Variants in PCLAF observed in about 807,000 individuals in gnomAD.
PCLAF encodes the protein PCNA clamp associated factor.
Under a neutral mutation model 15.1 loss-of-function variants are expected in PCLAF, and 12 were observed. The ratio of observed to expected loss-of-function variants is 0.79; its 90% CI spans 0.51 to 1.29. The LOEUF is 1.29. Among genes scored for constraint, PCLAF ranks in the 50% most tolerant of loss-of-function variants. The probability of loss-of-function intolerance (pLI) is 0.00; values close to 1 mark genes in which losing one functional copy is unlikely to be tolerated. For missense variants in PCLAF, 116 were observed against 130.9 expected (o/e 0.89, Z 0.56); for synonymous variants, 33 against 47.1 (o/e 0.70, Z 1.22).
chr15:64,381,616 A>G, upstream of PCLAF: 1 of 1,185,082 alleles, frequency 8.4e-7, no homozygotes, highest in Non-Finnish European at 1.1e-6. Context: ...CAACACGCAA[A>G]GGCCTAGGAT....
At chr15:64,367,411 G>T (rs750487787) in intron 3 of PCLAF, among the ~76,000 whole-genome samples, 57 of 151,292 alleles carry the variant, frequency 3.8e-4, no homozygotes, top group Admixed American at 6.6e-4. Context: ...GCTCAGCCAG[G>T]AGAATTGCTT....
At chr15:64,381,464 G>A, upstream of PCLAF, 1 of 1,611,250 alleles carries the variant, frequency 6.2e-7, no homozygotes, top group Non-Finnish European at 8.5e-7. Context: ...TCCCGCCACA[G>A]TTTATATTGG....
At chr15:64,366,190 A>C (rs976954503) in intron 3 of PCLAF, 115 bp from the exon 4 acceptor site, 2 of 556,966 alleles carry the variant, frequency 3.6e-6, no homozygotes, top group African/African-American at 3.9e-5. Flanking sequence ...GATCTGGTCT[A>C]ATGACTAGAA....
upstream of PCLAF, chr15:64,381,561 C>T (rs1452591806): frequency 1.4e-6 from 2 of 1,444,598 alleles, no homozygotes; most frequent in East Asian, 2.5e-5. Context: ...TGCCAATGCC[C>T]AGTGGTGACA....
chr15:64,384,738 T>C (rs1402297370), upstream of PCLAF, among the ~76,000 whole-genome samples: 1 of 103,572 alleles, frequency 9.7e-6, no homozygotes, highest in Non-Finnish European at 2.0e-5. Flanking sequence ...CAAGAATGTC[T>C]AAAAAAAAAA....
At chr15:64,373,597 T>C in intron 3 of PCLAF, 1 of 1,459,836 alleles carries the variant, frequency 6.9e-7, no homozygotes, top group Non-Finnish European at 9.0e-7. Flanking sequence ...CTGCAGTAGC[T>C]TCCGGCATAC....
chr15:64,369,560 A>C (rs1023156811), intron 3 of PCLAF, among the ~76,000 whole-genome samples: 2 of 151,816 alleles, frequency 1.3e-5, no homozygotes, highest in African/African-American at 4.8e-5. Flanking sequence ...GCACTGAATA[A>C]TTTCTTTTTT....
rs538436712 is a variant in PCLAF, at chr15:64,373,867, C to T, written c.290+2876G>A. On this transcript the variant is annotated intron_variant, in intron 3 of 3. Transcript: ENST00000300035. Reference sequence around the variant, plus strand: ...CTACATCCAGACAAGTACTTTGTTTCGAAACAAAACATTTAAGTTGCTTAG... The same window carrying T: ...CTACATCCAGACAAGTACTTTGTTTTGAAACAAAACATTTAAGTTGCTTAG... 4.3e-4 allele frequency: 487 copies of T among 1,132,672 alleles called. 1 individual carries two copies. The highest frequency in any genetic ancestry group is 3.6e-3 in the Middle Eastern group (18 of 5,014). 70.2% of individuals were successfully genotyped at this position (1,132,672 alleles called of 1,614,324 possible). A position where few individuals can be genotyped will look rare whatever the true frequency, so the allele number is the denominator to read the frequency against.
chr15:64,387,089 T>G (rs1899958596), intron 1 of PCLAF, among the ~76,000 whole-genome samples: 1 of 151,938 alleles, frequency 6.6e-6, no homozygotes, highest in Non-Finnish European at 1.5e-5. Flanking sequence ...TTGTCTTGGC[T>G]CTCCTGGAAA....
At chr15:64,381,968 T>G (rs1899835414), upstream of PCLAF, among the ~76,000 whole-genome samples, 1 of 152,116 alleles carries the variant, frequency 6.6e-6, no homozygotes, top group South Asian at 2.1e-4. Context: ...TTTACAAGGG[T>G]TTTTTTAAAT....
upstream of PCLAF, among the ~76,000 whole-genome samples, chr15:64,383,627 A>C (rs1024466874): frequency 3.3e-5 from 5 of 152,040 alleles, no homozygotes; most frequent in African/African-American, 1.2e-4. Context: ...TCAGCCTCCC[A>C]AAGTGCTGGG....
At chr15:64,370,625 T>G (rs1596321958) in intron 3 of PCLAF, among the ~76,000 whole-genome samples, 1 of 152,056 alleles carries the variant, frequency 6.6e-6, no homozygotes, top group East Asian at 1.9e-4. Context: ...TGCCTTGGAC[T>G]TTCAAAATGT....
intron 3 of PCLAF, chr15:64,373,699 C>A: frequency 3.9e-6 from 6 of 1,535,488 alleles, no homozygotes; most frequent in Non-Finnish European, 5.2e-6. Context: ...TCCCCTTACC[C>A]ATTTGGATCA....
In PCLAF at chr15:64,365,690, A is replaced by AT. The variant is rs1461388475; in HGVS notation, c.*339dup. On this transcript the variant is annotated 3_prime_UTR_variant, in exon 4 of 4. Transcript: ENST00000300035. ...GCACCATTCCAATAATCAAACACCA[A>AT]TAAAAATGGCAGCAGTACAACAATC... is the stretch of plus-strand genomic sequence containing the variant. 4.3e-6 allele frequency: 1 copy of AT among 231,650 alleles called. No homozygotes were observed. Among genetic ancestry groups the AT allele is most frequent in the East Asian group, 1.3e-4 (1 of 7,614 alleles). 14.3% of individuals were successfully genotyped at this position (231,650 alleles called of 1,614,324 possible).
chr15:64,368,365 T>A (rs906901521), intron 3 of PCLAF, among the ~76,000 whole-genome samples: 6 of 152,130 alleles, frequency 3.9e-5, no homozygotes, highest in Admixed American at 3.9e-4. Context: ...CAGTATTAGA[T>A]AACAAAGATA....
intron 3 of PCLAF, among the ~76,000 whole-genome samples, chr15:64,371,740 G>A (rs1266020405): frequency 6.6e-6 from 1 of 152,110 alleles, no homozygotes; most frequent in Non-Finnish European, 1.5e-5. Context: ...GGCATTACAG[G>A]TGTGTGCCAC....
chr15:64,381,163 C>T, intron 1 of PCLAF, 125 bp from the exon 2 acceptor site: 4 of 1,181,692 alleles, frequency 3.4e-6, no homozygotes, highest in South Asian at 2.6e-5. Flanking sequence ...CTTACCCTGC[C>T]CCTGCGACTT....
chr15:64,375,083 A>G (rs1421962771), intron 3 of PCLAF, among the ~76,000 whole-genome samples: 1 of 152,032 alleles, frequency 6.6e-6, no homozygotes, highest in Non-Finnish European at 1.5e-5. Flanking sequence ...GGGGATTTCT[A>G]TATTTTCCAA....
intron 2 of PCLAF, among the ~76,000 whole-genome samples, chr15:64,380,572 C>T (rs899530706): frequency 3.3e-5 from 5 of 152,058 alleles, no homozygotes; most frequent in African/African-American, 1.2e-4. Context: ...GGCGTGGTGG[C>T]ATGTACCTGT....
Sources: gnomAD v4.1 joint callset for allele counts (sites outside exome capture counted in the v4.1 genomes callset) on GRCh38, gnomAD v4.1.1 for gene constraint, MANE v1.5 for transcripts, NCBI Gene and HGNC (gene_info 2026-07-23, HGNC 2026-07-21) for gene names.